YAF2: variants seen among roughly 807,000 people sequenced by gnomAD.
YAF2 encodes YY1 associated factor 2.
YAF2 carries 7 observed loss-of-function variants against 20.1 expected under a neutral mutation model. The observed-to-expected ratio is 0.35, with a 90% CI of 0.20 to 0.65. The LOEUF is 0.65. Ranked by LOEUF, YAF2 falls within the 30% of genes least tolerant of loss-of-function variation. YAF2 has a pLI of 0.69. For missense variants in YAF2, 151 were observed against 219.2 expected (o/e 0.69, Z 1.96); for synonymous variants, 74 against 76.0 (o/e 0.97, Z 0.14).
intron 2 of YAF2, among the ~76,000 whole-genome samples, chr12:42,203,265 T>C (rs1373840822): frequency 1.3e-5 from 2 of 152,194 alleles, no homozygotes; most frequent in Non-Finnish European, 2.9e-5. Flanking sequence ...ATAAAGGAGA[T>C]ACTTTTTATT....
intron 2 of YAF2, among the ~76,000 whole-genome samples, chr12:42,226,374 C>G (rs1179985206): frequency 6.6e-6 from 1 of 152,142 alleles, no homozygotes; most frequent in South Asian, 2.1e-4. Context: ...TGAAATAATG[C>G]TAAAACATCT....
chr12:42,214,645 A>G (rs1185003309), intron 2 of YAF2, among the ~76,000 whole-genome samples: 1 of 152,040 alleles, frequency 6.6e-6, no homozygotes, highest in Admixed American at 6.5e-5. Context: ...CATTTCAAAT[A>G]ATTCCTGTTG....
chr12:42,207,172 G>C (rs1199335594), intron 2 of YAF2, among the ~76,000 whole-genome samples: 1 of 152,136 alleles, frequency 6.6e-6, no homozygotes, highest in Non-Finnish European at 1.5e-5. Context: ...ATCGTACAAA[G>C]ACATGCAGCA....
At chr12:42,215,909 A>G (rs1565643322) in intron 2 of YAF2, among the ~76,000 whole-genome samples, 2 of 151,798 alleles carry the variant, frequency 1.3e-5, no homozygotes, top group African/African-American at 2.4e-5. Flanking sequence ...TAGGCGACAG[A>G]GCGAGATTCC....
intron 2 of YAF2, among the ~76,000 whole-genome samples, chr12:42,200,663 C>T (rs1382669039): frequency 6.6e-6 from 1 of 152,166 alleles, no homozygotes; most frequent in Non-Finnish European, 1.5e-5. Context: ...GTGTATCTCC[C>T]TCACCTTGCA....
intron 2 of YAF2, among the ~76,000 whole-genome samples, chr12:42,202,925 C>T (rs1443156595): frequency 2.6e-5 from 4 of 152,182 alleles, no homozygotes; most frequent in South Asian, 2.1e-4. Context: ...GCATGAGCCA[C>T]CATGCCCGGG....
In YAF2 at chr12:42,237,697, C is replaced by G. The variant is rs761836237; in HGVS notation, c.54G>C (p.Ser18=). 3 of 1,569,016 alleles carry G rather than the reference C, an allele frequency of 1.9e-6. No individual in the cohort carries two copies. The East Asian group carries it at 7.6e-5, about 40-fold the overall frequency. The part of the protein sequence containing the change: ...TRPKRQPKPS[S]DEGYWDCSVC... ...CGCTACAGTCCCAGTAACCCTCATC[C>G]GAGGACGGCTTCGGCTGCCGCTTCG... The change falls in exon 2 of 4, where the codon TCG becomes TCC. Residue 18 remains serine (S), a synonymous_variant. Transcript: ENST00000534854.
intron 2 of YAF2, among the ~76,000 whole-genome samples, chr12:42,186,121 G>A (rs113426090): frequency 0.02 from 2,958 of 146,078 alleles, 107 homozygotes; most frequent in African/African-American, 0.07. Flanking sequence ...AACCCAGGAG[G>A]CAGAGGTTGC....
At chr12:42,224,303 A>T (rs1302446959) in intron 2 of YAF2, among the ~76,000 whole-genome samples, 1 of 152,214 alleles carries the variant, frequency 6.6e-6, no homozygotes. Context: ...TTAGTTTCTG[A>T]TAGGCCCTTG....
At position 42,160,793 on chromosome 12, in the gene YAF2, A is replaced by G; in HGVS notation, c.339T>C (p.Ala113=). The G allele has an allele frequency of 6.2e-7, 1 of 1,613,746 alleles. No individual in the cohort carries two copies. Among genetic ancestry groups the G allele is most frequent in the Non-Finnish European group, 8.5e-7 (1 of 1,179,838 alleles). The change falls in exon 4 of 4, where the codon GCT becomes GCC. Residue 113 remains alanine, a synonymous_variant. Transcript: ENST00000534854. ...PRLKNVDRSS[A]QHLEVTVGDL... ...CTCCAACAGTAACTTCCAAATGCTG[A>G]GCACTACTCCGATCCACATTTTTCA... is the stretch of plus-strand genomic sequence containing the variant.
chr12:42,223,495 A>G (rs1328007574), intron 2 of YAF2, among the ~76,000 whole-genome samples: 7 of 152,274 alleles, frequency 4.6e-5, no homozygotes, highest in Non-Finnish European at 5.9e-5. Flanking sequence ...CCATGATGTT[A>G]AAGCACATTT....
Position 42,160,397 on chromosome 12 carries a change from T to G in YAF2, c.*192A>C. 1.8e-6 allele frequency: 1 copy of G among 562,398 alleles called. No homozygotes were observed. The highest frequency in any genetic ancestry group is 3.1e-6 in the Non-Finnish European group (1 of 321,306). The allele number at this position is 562,398 out of a possible 1,614,324, so 34.8% of individuals were successfully genotyped here. On this transcript the variant is annotated 3_prime_UTR_variant, in exon 4 of 4. Transcript: ENST00000534854. ...CACTTAACTGCAGAGACCAAAATGT[T>G]AAGTCTGGAAATGTTTGGTAGGCAT...
intron 2 of YAF2, among the ~76,000 whole-genome samples, chr12:42,193,066 C>A (rs2066655415): frequency 2.0e-5 from 3 of 152,138 alleles, no homozygotes. Context: ...GTAATCCCAG[C>A]ACTTTGGGTG....
chr12:42,204,897 T>A (rs1328266442), intron 2 of YAF2, among the ~76,000 whole-genome samples: 1 of 152,184 alleles, frequency 6.6e-6, no homozygotes, highest in Non-Finnish European at 1.5e-5. Flanking sequence ...GGAAGATTAG[T>A]AGATGCCTAA....
At chr12:42,209,994 C>T (rs1194339252) in intron 2 of YAF2, among the ~76,000 whole-genome samples, 1 of 152,146 alleles carries the variant, frequency 6.6e-6, no homozygotes, top group Non-Finnish European at 1.5e-5. Context: ...GACAGGGTTT[C>T]TCCATGTTGG....
intron 2 of YAF2, among the ~76,000 whole-genome samples, chr12:42,175,835 C>T (rs1220038489): frequency 1.3e-5 from 2 of 148,180 alleles, no homozygotes; most frequent in African/African-American, 5.0e-5. Context: ...TTTGAAAGTT[C>T]TCAAGCTGAT....
At chr12:42,229,887 ATTATGGAGTGCATGAC>A (rs2137403740) in intron 2 of YAF2, among the ~76,000 whole-genome samples, 1 of 152,348 alleles carries the variant, frequency 6.6e-6, no homozygotes, top group African/African-American at 2.4e-5. Context: ...CAAAAATGTC[ATTATGGAGTGCATGAC>A]TGACTCTACA....
At chr12:42,232,499 A>C in intron 2 of YAF2, 1 of 985,420 alleles carries the variant, frequency 1.0e-6, no homozygotes, top group Non-Finnish European at 1.2e-6. Flanking sequence ...CTCTTACAGG[A>C]CAAAAAACAA....
intron 2 of YAF2, chr12:42,235,830 C>T: frequency 2.6e-6 from 4 of 1,536,048 alleles, no homozygotes; most frequent in Non-Finnish European, 3.5e-6. Flanking sequence ...ACTTCTCTGT[C>T]CTGGGCCAAC....
Sources: gnomAD v4.1 joint callset for allele counts (sites outside exome capture counted in the v4.1 genomes callset) on GRCh38, gnomAD v4.1.1 for gene constraint, MANE v1.5 for transcripts, NCBI Gene and HGNC (gene_info 2026-07-23, HGNC 2026-07-21) for gene names.